CTNNA3: variants seen among roughly 807,000 people sequenced by gnomAD.
The protein encoded by CTNNA3 is catenin alpha 3.
A neutral mutation model predicts 95.7 loss-of-function variants in CTNNA3; 76 were observed. The observed-to-expected ratio is 0.79, with a 90% CI of 0.66 to 0.96. The LOEUF (loss-of-function observed/expected upper bound fraction) is 0.96. Ranked by LOEUF, CTNNA3 falls within the 40% of genes least tolerant of loss-of-function variation. The pLI, the probability that CTNNA3 is intolerant of heterozygous loss-of-function variation, is 0.00. For synonymous variants in CTNNA3, 431 were observed against 374.4 expected (o/e 1.15, Z -1.74); for missense variants, 1,191 against 1,089.8 (o/e 1.09, Z -1.31).
intron 5 of CTNNA3, among the ~76,000 whole-genome samples, chr10:67,440,338 C>G (rs559164862): frequency 6.6e-6 from 1 of 152,256 alleles, no homozygotes; most frequent in Admixed American, 6.5e-5. Context: ...GAACACAAGG[C>G]AGATTTCTAA....
chr10:67,044,425 T>G (rs1299723425), intron 7 of CTNNA3, among the ~76,000 whole-genome samples: 1 of 152,164 alleles, frequency 6.6e-6, no homozygotes, highest in Non-Finnish European at 1.5e-5. Context: ...TAATAAAAAC[T>G]TGCTTTTAAG....
At chr10:66,128,522 T>C (rs947185064) in intron 13 of CTNNA3, among the ~76,000 whole-genome samples, 1 of 151,868 alleles carries the variant, frequency 6.6e-6, no homozygotes, top group Non-Finnish European at 1.5e-5. Context: ...TAAATGCATA[T>C]TACCAAGTGA....
chr10:67,622,017 TA>T (rs1302020642), intron 2 of CTNNA3, among the ~76,000 whole-genome samples: 2 of 152,144 alleles, frequency 1.3e-5, no homozygotes, highest in Admixed American at 6.6e-5. Context: ...ACCCATACAG[TA>T]AAAGTTTGCC....
chr10:67,219,198 T>A (rs1864531636), intron 6 of CTNNA3, among the ~76,000 whole-genome samples: 1 of 152,236 alleles, frequency 6.6e-6, no homozygotes, highest in Admixed American at 6.5e-5. Context: ...TTTATTGGTT[T>A]TATTTTTTGC....
rs531714971 is a variant in CTNNA3 at position 66,095,226 on chromosome 10, T to G, written c.1977+7931A>C. On this transcript the variant is annotated intron_variant, in intron 14 of 17. Transcript: ENST00000433211. ...AAGAGCTGGAGGACTATAGGGCTTATATGAGAACTCTAATAAACCCTAATG... is the reference window on the plus strand; with the variant it reads ...AAGAGCTGGAGGACTATAGGGCTTAGATGAGAACTCTAATAAACCCTAATG... Among the ~76,000 whole-genome samples, 29 of 152,200 alleles carry G rather than the reference T, an allele frequency of 1.9e-4. No homozygotes were observed. The South Asian group carries it at 4.8e-3, about 25-fold the overall frequency.
intron 7 of CTNNA3, among the ~76,000 whole-genome samples, chr10:66,895,854 G>C (rs959417588): frequency 2.1e-5 from 3 of 143,562 alleles, no homozygotes; most frequent in Non-Finnish European, 4.5e-5. Context: ...AAGGTGGGAG[G>C]ATAACCTGAG....
intron 1 of CTNNA3, among the ~76,000 whole-genome samples, chr10:67,689,449 G>T (rs1840799089): frequency 6.6e-6 from 1 of 152,126 alleles, no homozygotes; most frequent in Non-Finnish European, 1.5e-5. Flanking sequence ...TCTTATAGGA[G>T]AAACTAGAAA....
intron 9 of CTNNA3, among the ~76,000 whole-genome samples, chr10:66,763,762 T>C (rs1011932028): frequency 2.0e-5 from 3 of 152,208 alleles, no homozygotes; most frequent in Non-Finnish European, 2.9e-5. Flanking sequence ...ACCACCATGC[T>C]GTGAAAAGCT....
intron 12 of CTNNA3, among the ~76,000 whole-genome samples, chr10:66,295,926 T>C (rs2091770325): frequency 7.4e-6 from 1 of 135,666 alleles, no homozygotes; most frequent in Non-Finnish European, 1.5e-5. Flanking sequence ...GTAGGAAAAA[T>C]TTTGGAGATG....
At chr10:67,452,218 T>C (rs1430467767) in intron 5 of CTNNA3, among the ~76,000 whole-genome samples, 2 of 152,124 alleles carry the variant, frequency 1.3e-5, no homozygotes, top group Non-Finnish European at 2.9e-5. Flanking sequence ...TTGGGGGAAA[T>C]ATAATGTTTG....
intron 5 of CTNNA3, among the ~76,000 whole-genome samples, chr10:67,504,593 T>A (rs1265441309): frequency 2.0e-5 from 3 of 152,128 alleles, no homozygotes; most frequent in Non-Finnish European, 2.9e-5. Context: ...TGATACAAGT[T>A]ACTCATGAGC....
Position 66,927,784 on chromosome 10 carries a change from C to T in CTNNA3, c.1048-152260G>A. 1 of 1,614,218 alleles carries T rather than the reference C, an allele frequency of 6.2e-7. No homozygotes were observed. Among genetic ancestry groups the T allele is most frequent in the Middle Eastern group, 1.6e-4 (1 of 6,062 alleles). ...GCGCCTCAACCTGGATTCCAACAAGCTCACATTTATTGGTCAAGAGATTTT... is the reference window on the plus strand; with the variant it reads ...GCGCCTCAACCTGGATTCCAACAAGTTCACATTTATTGGTCAAGAGATTTT... On this transcript the variant is annotated intron_variant, in intron 7 of 17. Transcript: ENST00000433211. This position sits in a 1 kb window ranked among gnomAD's most constrained non-coding sequence, Gnocchi z 4.7.
chr10:66,076,031 T>C (rs2080549579), intron 14 of CTNNA3, among the ~76,000 whole-genome samples: 1 of 151,652 alleles, frequency 6.6e-6, no homozygotes, highest in African/African-American at 2.4e-5. Context: ...TTAATTCATA[T>C]CACTCATATG....
intron 11 of CTNNA3, among the ~76,000 whole-genome samples, chr10:66,415,353 C>A (rs1228571850): frequency 6.6e-6 from 1 of 152,100 alleles, no homozygotes; most frequent in Non-Finnish European, 1.5e-5. Flanking sequence ...CAAATTACCA[C>A]CTGCAGGCCT....
At chr10:67,385,298 TCTC>T (rs1800496235) in intron 5 of CTNNA3, among the ~76,000 whole-genome samples, 2 of 152,226 alleles carry the variant, frequency 1.3e-5, no homozygotes, top group South Asian at 2.1e-4. Flanking sequence ...ACAAGGGACT[TCTC>T]CTTCTGTCCA....
intron 9 of CTNNA3, among the ~76,000 whole-genome samples, chr10:66,648,516 T>A (rs1325871610): frequency 1.3e-5 from 2 of 152,168 alleles, no homozygotes; most frequent in African/African-American, 4.8e-5. Context: ...AATATGCGAA[T>A]CCTACCTAAA....
chr10:66,585,404 T>C (rs912177807), intron 10 of CTNNA3, among the ~76,000 whole-genome samples: 14 of 152,016 alleles, frequency 9.2e-5, no homozygotes, highest in African/African-American at 3.4e-4. Context: ...TTTGTTTACT[T>C]TTGCTGTGCT....
At chr10:67,378,382 ATG>A (rs368598396) in intron 5 of CTNNA3, among the ~76,000 whole-genome samples, 6 of 152,192 alleles carry the variant, frequency 3.9e-5, no homozygotes, top group African/African-American at 1.4e-4. Context: ...ATAACCAGGT[ATG>A]GTTATCAAAA....
intron 2 of CTNNA3, among the ~76,000 whole-genome samples, chr10:67,643,591 T>C (rs561329357): frequency 6.6e-6 from 1 of 152,160 alleles, no homozygotes; most frequent in South Asian, 2.1e-4. Flanking sequence ...ACGTGCAGGT[T>C]TGTTACATAG....
Sources: gnomAD v4.1 joint callset for allele counts (sites outside exome capture counted in the v4.1 genomes callset) on GRCh38, gnomAD v4.1.1 for gene constraint, Gnocchi (gnomAD v3.1) non-coding constraint, MANE v1.5 for transcripts, NCBI Gene and HGNC (gene_info 2026-07-23, HGNC 2026-07-21) for gene names.